The following TBCK variants were observed in gnomAD, a reference collection of about 807,000 sequenced individuals.
The protein encoded by TBCK is TBC1 domain containing kinase.
Under a neutral mutation model 113.4 loss-of-function variants are expected in TBCK, and 99 were observed. That is an observed-to-expected ratio of 0.87 (90% CI 0.74 to 1.03). The LOEUF is 1.03. Among genes scored for constraint, TBCK ranks in the 50% least tolerant of loss-of-function variants. The pLI is 0.00. For missense variants in TBCK, 1,045 were observed against 1,061.3 expected (o/e 0.98, Z 0.21); for synonymous variants, 369 against 370.8 (o/e 1.00, Z 0.05).
intron 16 of TBCK, 139 bp from the exon 17 acceptor site, chr4:106,233,203 T>TTTTTGAA: frequency 1.3e-6 from 1 of 783,306 alleles, no homozygotes; most frequent in Non-Finnish European, 1.9e-6. Flanking sequence ...AGTGCCTAAT[T>TTTTTGAA]TTTTGAATTT....
At chr4:106,294,282 C>A (rs1042144561) in intron 3 of TBCK, among the ~76,000 whole-genome samples, 1 of 151,698 alleles carries the variant, frequency 6.6e-6, no homozygotes, top group African/African-American at 2.4e-5. Context: ...CTCCGCCCCG[C>A]GGGTTCAAGC....
chr4:106,154,627 C>G (rs185019293), intron 23 of TBCK, among the ~76,000 whole-genome samples: 2 of 152,192 alleles, frequency 1.3e-5, no homozygotes, highest in Admixed American at 1.3e-4. Flanking sequence ...CATCTCCCCC[C>G]TCTCTTATTC....
intron 3 of TBCK, among the ~76,000 whole-genome samples, chr4:106,273,022 T>C (rs1295975806): frequency 6.6e-6 from 1 of 152,192 alleles, no homozygotes; most frequent in Non-Finnish European, 1.5e-5. Context: ...AAGATAACCA[T>C]ACCACAACCA....
At position 106,136,106 on chromosome 4, in the gene TBCK, C is replaced by T. The variant is rs1301316258; in HGVS notation, c.2236-19728G>A. Among the ~76,000 whole-genome samples, 15 of 141,316 alleles carry T rather than the reference C, an allele frequency of 1.1e-4. 3 individuals carry two copies. The highest frequency in any genetic ancestry group is 8.4e-4 in the Admixed American group (12 of 14,330). The allele number at this position is 141,316 out of a possible 152,430, so 92.7% of individuals were successfully genotyped here. Reference sequence around the variant, plus strand: ...TAGATTAAGTGATGGCATTGGTAATCGAGAGCTTTGCTCAATTCTTTATCT... The same window carrying T: ...TAGATTAAGTGATGGCATTGGTAATTGAGAGCTTTGCTCAATTCTTTATCT... On this transcript the variant is annotated intron_variant, in intron 23 of 25. Transcript: ENST00000394708.
chr4:106,285,575 T>A (rs1443268730), intron 3 of TBCK, among the ~76,000 whole-genome samples: 2 of 152,142 alleles, frequency 1.3e-5, no homozygotes, highest in Non-Finnish European at 2.9e-5. Context: ...AAATTTAAAT[T>A]TAAATTTCTT....
chr4:106,304,802 A>G (rs554251901), intron 2 of TBCK, among the ~76,000 whole-genome samples: 1 of 152,292 alleles, frequency 6.6e-6, no homozygotes, highest in Admixed American at 6.5e-5. Flanking sequence ...CATTTGATAA[A>G]TTCCATTTGG....
At chr4:106,135,650 T>C (rs1431472386) in intron 23 of TBCK, among the ~76,000 whole-genome samples, 1 of 141,988 alleles carries the variant, frequency 7.0e-6, no homozygotes, top group Non-Finnish European at 1.6e-5. Flanking sequence ...TGGGTTACTA[T>C]AAAAGCTCTG....
intron 3 of TBCK, among the ~76,000 whole-genome samples, chr4:106,292,096 C>T (rs1348644323): frequency 1.3e-5 from 2 of 152,174 alleles, no homozygotes; most frequent in East Asian, 1.9e-4. Context: ...TCGGTATATG[C>T]AGACACAGCG....
chr4:106,298,879 C>T (rs578105382), intron 2 of TBCK, among the ~76,000 whole-genome samples: 4 of 152,150 alleles, frequency 2.6e-5, no homozygotes, highest in Non-Finnish European at 4.4e-5. Context: ...AGAAGAAACA[C>T]GTTCTGACTG....
At chr4:106,126,506 T>C (rs770287472) in intron 23 of TBCK, among the ~76,000 whole-genome samples, 2 of 152,216 alleles carry the variant, frequency 1.3e-5, no homozygotes, top group Non-Finnish European at 2.9e-5. Context: ...TCTATTATAG[T>C]AATTACTATT....
intron 3 of TBCK, among the ~76,000 whole-genome samples, chr4:106,281,756 G>A (rs900566576): frequency 1.3e-5 from 2 of 152,062 alleles, no homozygotes; most frequent in Admixed American, 6.6e-5. Flanking sequence ...GCATCCCTGG[G>A]ATAAAGCTCA....
At chr4:106,272,966 G>A (rs1177402450) in intron 3 of TBCK, among the ~76,000 whole-genome samples, 1 of 152,098 alleles carries the variant, frequency 6.6e-6, no homozygotes, top group Non-Finnish European at 1.5e-5. Flanking sequence ...GAATAACCTG[G>A]TATTTCTACC....
chr4:106,068,417 T>C (rs1736925222), intron 25 of TBCK, among the ~76,000 whole-genome samples: 2 of 152,132 alleles, frequency 1.3e-5, no homozygotes, highest in Admixed American at 1.3e-4. Flanking sequence ...TTTGCAGTCC[T>C]TGTGATAGTT....
intron 20 of TBCK, among the ~76,000 whole-genome samples, chr4:106,211,658 A>G (rs1756147031): frequency 6.6e-6 from 1 of 152,082 alleles, no homozygotes; most frequent in African/African-American, 2.4e-5. Flanking sequence ...ACATGATCAC[A>G]TAATATAGTT....
intron 5 of TBCK, among the ~76,000 whole-genome samples, chr4:106,253,949 C>A (rs1560915398): frequency 6.6e-6 from 1 of 152,222 alleles, no homozygotes; most frequent in Non-Finnish European, 1.5e-5. Flanking sequence ...TCTCCAGGAA[C>A]CTATATACAG....
Position 106,100,527 on chromosome 4 carries a change from G to A in TBCK, c.2412-4886C>T, listed in dbSNP as rs553951279. On this transcript the variant is annotated intron_variant, in intron 24 of 25. Transcript: ENST00000394708. ...GCTCACTAAAACCGGTTTATTTAGG[G>A]AAAAGCTAGGGACCTCACTCTTTAT... Among the ~76,000 whole-genome samples the A allele has an allele frequency of 2.0e-5, 3 of 152,220 alleles. 1 individual carries two copies. In the East Asian group the frequency reaches 5.8e-4, roughly 29 times the overall value.
intron 23 of TBCK, among the ~76,000 whole-genome samples, chr4:106,127,206 C>CAAAAAAA (rs35461999): frequency 6.1e-5 from 4 of 65,482 alleles, no homozygotes; most frequent in East Asian, 3.7e-4. Flanking sequence ...GACTCCGTCT[C>CAAAAAAA]AAAAAAAAAA....
At chr4:106,205,431 G>A (rs1755363646) in intron 20 of TBCK, among the ~76,000 whole-genome samples, 1 of 151,714 alleles carries the variant, frequency 6.6e-6, no homozygotes, top group African/African-American at 2.4e-5. Flanking sequence ...GTTTTAGACT[G>A]TACATAGCAA....
At chr4:106,127,115 G>A (rs983317522) in intron 23 of TBCK, among the ~76,000 whole-genome samples, 1 of 151,204 alleles carries the variant, frequency 6.6e-6, no homozygotes, top group African/African-American at 2.4e-5. Context: ...GGCTGAGGCA[G>A]GAGAATCGCT....
Sources: gnomAD v4.1 joint callset for allele counts (sites outside exome capture counted in the v4.1 genomes callset) on GRCh38, gnomAD v4.1.1 for gene constraint, MANE v1.5 for transcripts, NCBI Gene and HGNC (gene_info 2026-07-23, HGNC 2026-07-21) for gene names.